KDM1A: variants seen among roughly 807,000 people sequenced by gnomAD.
The protein encoded by KDM1A is lysine demethylase 1A.
Under a neutral mutation model 109.4 loss-of-function variants are expected in KDM1A, and 49 were observed. The ratio of observed to expected loss-of-function variants is 0.45; its 90% CI spans 0.36 to 0.57. The LOEUF (loss-of-function observed/expected upper bound fraction) is 0.57, where lower values mean the gene tolerates loss of function less well. KDM1A is among the 20% of genes least tolerant of loss of function. The pLI is 0.00. For missense variants in KDM1A, 668 were observed against 1,116.6 expected, an observed-to-expected ratio of 0.60 and a Z score of 5.73; for synonymous variants, 380 against 415.4, an observed-to-expected ratio of 0.91 and a Z score of 1.04.
intron 14 of KDM1A, among the ~76,000 whole-genome samples, chr1:23,072,903 G>A (rs1643361388): frequency 1.3e-5 from 2 of 152,178 alleles, no homozygotes; most frequent in South Asian, 4.1e-4. Context: ...ACCTCCCAAA[G>A]TGCTGGGATT....
At chr1:23,044,645 G>A (rs1370837128) in intron 3 of KDM1A, among the ~76,000 whole-genome samples, 159 bp downstream of exon 3, 1 of 152,164 alleles carries the variant, frequency 6.6e-6, no homozygotes, top group Non-Finnish European at 1.5e-5. Context: ...AGAGTGTAGT[G>A]AGAACAAAGG....
chr1:23,046,529 T>C (rs1393109984), intron 3 of KDM1A, among the ~76,000 whole-genome samples: 1 of 152,160 alleles, frequency 6.6e-6, no homozygotes, highest in East Asian at 1.9e-4. Context: ...AATTTTTATA[T>C]CTCTATTACC....
At chr1:23,041,650 T>G (rs1642339193) in intron 2 of KDM1A, among the ~76,000 whole-genome samples, 1 of 151,376 alleles carries the variant, frequency 6.6e-6, no homozygotes, top group Non-Finnish European at 1.5e-5. Flanking sequence ...ACCATGTTGG[T>G]CAGGCTGGTC....
At chr1:23,044,827 CAG>C (rs1036548334) in intron 3 of KDM1A, among the ~76,000 whole-genome samples, 61 of 152,140 alleles carry the variant, frequency 4.0e-4, no homozygotes, top group African/African-American at 1.4e-3. Flanking sequence ...GCAGTATACA[CAG>C]AGAGGAAAAG....
At chr1:23,057,412 G>T in intron 7 of KDM1A, 72 bp from the exon 8 acceptor site, 1 of 1,081,774 alleles carries the variant, frequency 9.2e-7, no homozygotes, top group Non-Finnish European at 1.4e-6. Flanking sequence ...AGACAGAGCC[G>T]TGGTATGGTA....
At chr1:23,068,706 G>A (rs1643223981) in intron 11 of KDM1A, 25 bp downstream of exon 11, 1 of 1,485,118 alleles carries the variant, frequency 6.7e-7, no homozygotes. Flanking sequence ...ACTGCTTATT[G>A]TATAGTGAGT....
chr1:23,040,987 C>A (rs1642310416), intron 2 of KDM1A, among the ~76,000 whole-genome samples: 1 of 152,126 alleles, frequency 6.6e-6, no homozygotes, highest in African/African-American at 2.4e-5. Flanking sequence ...GCGCTACTTG[C>A]CTGCTGTTAA....
chr1:23,053,584 C>T (rs934513693), intron 4 of KDM1A, among the ~76,000 whole-genome samples, 177 bp from the exon 5 acceptor site: 1 of 152,090 alleles, frequency 6.6e-6, no homozygotes, highest in African/African-American at 2.4e-5. Flanking sequence ...TGGGGTCTCA[C>T]TATATTGCCT....
intron 2 of KDM1A, among the ~76,000 whole-genome samples, chr1:23,043,812 G>T (rs766612595): frequency 3.3e-5 from 5 of 152,176 alleles, no homozygotes; most frequent in African/African-American, 7.2e-5. Flanking sequence ...TACCACAAGT[G>T]TGTGTTTATC....
chr1:23,019,800 C>G lies in KDM1A; in HGVS notation c.204C>G (p.Ala68=). ...RTPRKKEPPR[A]SPPGGLAEPP... ...CCCGCAAGAAAGAGCCTCCGCGGGC[C>G]TCGCCCCCCGGGGGCCTGGCGGAAC... Residue 68 remains alanine (A), a synonymous_variant, in exon 1 of 21, where the codon GCC becomes GCG. Coordinates refer to ENST00000400181, the MANE Select transcript of KDM1A (RefSeq NM_001009999.3). 7.2e-7 allele frequency: 1 copy of G among 1,390,940 alleles called. No individual in the cohort carries two copies. Among genetic ancestry groups the G allele is most frequent in the Non-Finnish European group, 9.3e-7 (1 of 1,071,500 alleles). The allele number at this position is 1,390,940 out of a possible 1,614,324, so 86.2% of individuals were successfully genotyped here.
intron 3 of KDM1A, among the ~76,000 whole-genome samples, chr1:23,049,740 A>G (rs6680974): frequency 0.3 from 45,863 of 151,850 alleles, 7,012 homozygotes; most frequent in Middle Eastern, 0.41. Context: ...GTGTATGTAT[A>G]CACTATATGT....
intron 4 of KDM1A, among the ~76,000 whole-genome samples, chr1:23,052,452 T>C (rs1642701967): frequency 6.6e-6 from 1 of 152,216 alleles, no homozygotes; most frequent in African/African-American, 2.4e-5. Context: ...CATAATCCCT[T>C]AGTAATTTGG....
In KDM1A at chr1:23,031,825, A is replaced by G. The variant is rs191235741; in HGVS notation, c.517+1191A>G. Reference sequence around the variant, plus strand: ...TTCATTCAAAAGTCAGGGATTTTCTAAGAAGAGTGGTTTTCCTAAAACTTT... The same window carrying G: ...TTCATTCAAAAGTCAGGGATTTTCTGAGAAGAGTGGTTTTCCTAAAACTTT... On this transcript the variant is annotated intron_variant, in intron 2 of 20. Transcript: ENST00000400181. 2.2e-3 allele frequency among the ~76,000 whole-genome samples: 333 copies of G among 152,370 alleles called. 1 individual carries two copies. Among genetic ancestry groups the G allele is most frequent in the African/African-American group, 7.6e-3 (318 of 41,586 alleles).
chr1:23,065,093 C>T (rs1422514012), intron 9 of KDM1A, among the ~76,000 whole-genome samples: 3 of 152,184 alleles, frequency 2.0e-5, no homozygotes. Context: ...GTTTCTTTCT[C>T]AGGATACAAG....
Position 23,019,643 on chromosome 1 carries a change from C to G in KDM1A, c.47C>G (p.Ala16Gly). ...GCAGCCGCGGCGGCGGCGGCTGCAG[C>G]GGCAGCAACCGGGACGGAGGCTGGC... ...KAAAAAAAAAAAATGTEAGPG... is the reference protein window; with the variant it reads ...KAAAAAAAAAGAATGTEAGPG... The change falls in exon 1 of 21, where the codon GCG (alanine) becomes GGG (glycine). Residue 16 changes from alanine to glycine, a missense_variant. By Grantham distance (60) the Ala-to-Gly change is moderately conservative (BLOSUM62 0). Coordinates refer to ENST00000400181, the MANE Select transcript of KDM1A (RefSeq NM_001009999.3). 1 of 1,410,806 alleles carries G rather than the reference C, an allele frequency of 7.1e-7. No homozygotes were observed. The highest frequency in any genetic ancestry group is 9.2e-7 in the Non-Finnish European group (1 of 1,089,578). 87.4% of individuals were successfully genotyped at this position (1,410,806 alleles called of 1,614,324 possible). A position where few individuals can be genotyped will look rare whatever the true frequency, so the allele number is the denominator to read the frequency against.
At chr1:23,080,628 C>T (rs1643591354) in intron 18 of KDM1A, among the ~76,000 whole-genome samples, 1 of 152,162 alleles carries the variant, frequency 6.6e-6, no homozygotes, top group Non-Finnish European at 1.5e-5. Context: ...CGGCTGTTCT[C>T]ACATCCTGGA....
At chr1:23,071,199 G>A (rs1247206526) in intron 12 of KDM1A, 26 bp from the exon 13 acceptor site, 1 of 1,580,914 alleles carries the variant, frequency 6.3e-7, no homozygotes, top group Non-Finnish European at 8.6e-7. Flanking sequence ...TATCTGGAAT[G>A]GTAAATTTGT....
intron 8 of KDM1A, 70 bp downstream of exon 8, chr1:23,057,635 A>T (rs1642870208): frequency 8.7e-7 from 1 of 1,143,422 alleles, no homozygotes; most frequent in African/African-American, 1.5e-5. Flanking sequence ...AAAGCCAGAG[A>T]TGCTATTTTA....
rs572097224 is a variant in KDM1A, at chr1:23,026,001, G to T, written c.352-4468G>T. On this transcript the variant is annotated intron_variant, in intron 1 of 20. Coordinates refer to ENST00000400181, the MANE Select transcript of KDM1A (RefSeq NM_001009999.3). The stretch of plus-strand genomic sequence containing the variant: ...AGCTACTCAGGAGGCTGAGGCAGGG[G>T]AATCACTTGAGCCTGGGAGGCAGAG... Among the ~76,000 whole-genome samples, 255 of 152,234 alleles carry T rather than the reference G, an allele frequency of 1.7e-3. 7 individuals carry two copies. Among genetic ancestry groups the T allele is most frequent in the Non-Finnish European group, 1.8e-3 (120 of 68,008 alleles).
Sources: allele counts gnomAD v4.1 joint callset (sites outside exome capture counted in the v4.1 genomes callset), GRCh38; gene constraint gnomAD v4.1.1; transcripts MANE v1.5; gene names NCBI Gene and HGNC (gene_info 2026-07-23, HGNC 2026-07-21).